The following WFDC8 variants were observed in gnomAD, a reference collection of about 807,000 sequenced individuals.
The protein encoded by WFDC8 is WAP four-disulfide core domain 8.
A neutral mutation model predicts 27.0 loss-of-function variants in WFDC8; 24 were observed. The observed-to-expected ratio is 0.89, with a 90% CI of 0.64 to 1.25. WFDC8 has a LOEUF of 1.25. Ranked by LOEUF, WFDC8 falls within the 50% of genes most tolerant of loss-of-function variation. The pLI is 0.00. For synonymous variants in WFDC8, 106 were observed against 99.7 expected (o/e 1.06, Z -0.38); for missense variants, 287 against 295.9 (o/e 0.97, Z 0.22).
At chr20:45,562,540 A>C (rs1210787364) in intron 1 of WFDC8, among the ~76,000 whole-genome samples, 2 of 152,234 alleles carry the variant, frequency 1.3e-5, no homozygotes, top group Non-Finnish European at 2.9e-5. Context: ...GAACAGTTGC[A>C]GAGCTGGTTT....
At chr20:45,577,485 G>T (rs937101339) in intron 1 of WFDC8, among the ~76,000 whole-genome samples, 1 of 149,212 alleles carries the variant, frequency 6.7e-6, no homozygotes, top group Admixed American at 6.7e-5. Flanking sequence ...TGCAACCTCC[G>T]CCTTCTGGGT....
chr20:45,570,366 G>A (rs1367906177), intron 1 of WFDC8, among the ~76,000 whole-genome samples: 2 of 152,072 alleles, frequency 1.3e-5, no homozygotes, highest in African/African-American at 4.8e-5. Context: ...ATAGATGCTT[G>A]TGGGTATCAA....
chr20:45,563,419 G>C (rs1180779889), intron 1 of WFDC8, among the ~76,000 whole-genome samples: 8 of 152,176 alleles, frequency 5.3e-5, no homozygotes, highest in African/African-American at 1.9e-4. Flanking sequence ...AGTTAGACCT[G>C]AGTTCACATC....
chr20:45,573,785 C>T (rs1463200590), intron 1 of WFDC8, among the ~76,000 whole-genome samples: 2 of 152,118 alleles, frequency 1.3e-5, no homozygotes, highest in East Asian at 1.9e-4. Flanking sequence ...AGACAGTCTC[C>T]ATTGTGTGTT....
intron 1 of WFDC8, among the ~76,000 whole-genome samples, chr20:45,570,202 G>T (rs941217306): frequency 3.3e-5 from 5 of 152,010 alleles, no homozygotes; most frequent in African/African-American, 1.2e-4. Context: ...ATTAAAAAAA[G>T]AAAATGACAT....
intron 4 of WFDC8, 152 bp from the exon 5 acceptor site, chr20:45,553,428 TG>T: frequency 5.8e-6 from 6 of 1,033,932 alleles, no homozygotes; most frequent in Non-Finnish European, 6.8e-6. Flanking sequence ...AAGAATGAAA[TG>T]TCTCATCATA....
rs143503785 is a variant in WFDC8 at position 45,551,813 on chromosome 20, CAAG to C, written c.*210_*212del. On this transcript the variant is annotated 3_prime_UTR_variant, in exon 6 of 6. Coordinates refer to ENST00000289953, the MANE Select transcript of WFDC8 (RefSeq NM_130896.3). ...ATTATTTTGGAGGTTCTACACAATA[CAAG>C]AAGACAAGAAAATAAAGTCATGAAG... The C allele has an allele frequency of 4.5e-3, 2,325 of 522,352 alleles. 83 individuals are homozygous for C. In the East Asian group the frequency reaches 0.067, roughly 15 times the overall value. The allele number at this position is 522,352 out of a possible 1,614,324, so 32.4% of individuals were successfully genotyped here.
At chr20:45,575,410 C>G (rs114122066) in intron 1 of WFDC8, among the ~76,000 whole-genome samples, 45 of 143,366 alleles carry the variant, frequency 3.1e-4, no homozygotes, top group South Asian at 4.4e-4. Flanking sequence ...TTAAAACAAT[C>G]CCATTTACAA....
In WFDC8 at chr20:45,558,886, A is replaced by G. The variant is rs1360634175; in HGVS notation, c.243T>C (p.Phe81=). ...GATCCATGCACTTCTTCTGACAGGC[A>G]AAAAAGCAGCACTTCTGGTATTCCT... is the stretch of plus-strand genomic sequence containing the variant. ...DCKEYQKCCF[F]ACQKKCMDPF... is the part of the protein sequence containing the mutation. The change falls in exon 3 of 6, where the codon TTT becomes TTC. Residue 81 remains phenylalanine (F), a synonymous_variant. Transcript: ENST00000289953. 23 of 1,614,072 alleles carry G rather than the reference A, an allele frequency of 1.4e-5. No homozygotes were observed. Among genetic ancestry groups the G allele is most frequent in the Non-Finnish European group, 1.9e-5 (23 of 1,180,028 alleles).
At chr20:45,556,389 G>A (rs112780672) in intron 3 of WFDC8, among the ~76,000 whole-genome samples, 116 of 151,970 alleles carry the variant, frequency 7.6e-4, no homozygotes, top group African/African-American at 2.6e-3. Flanking sequence ...AAGCAAATTC[G>A]AGTGATTTTC....
chr20:45,568,288 T>C (rs1393510979), intron 1 of WFDC8: 4 of 236,318 alleles, frequency 1.7e-5, no homozygotes, highest in East Asian at 9.1e-5. Context: ...AAGCCTGTCA[T>C]AGAGGCCTTG....
chr20:45,565,201 C>T (rs1365275836), intron 1 of WFDC8, among the ~76,000 whole-genome samples: 1 of 152,102 alleles, frequency 6.6e-6, no homozygotes, highest in Non-Finnish European at 1.5e-5. Context: ...TGATTGAAAT[C>T]CACGCTTCAC....
In WFDC8 at chr20:45,571,400, T is replaced by G. The variant is rs147837469; in HGVS notation, c.26+7822A>C. Among the ~76,000 whole-genome samples the G allele has an allele frequency of 2.0e-3, 300 of 152,370 alleles. 2 individuals carry two copies. Among genetic ancestry groups the G allele is most frequent in the African/African-American group, 7.0e-3 (292 of 41,588 alleles). On this transcript the variant is annotated intron_variant, in intron 1 of 5. Transcript: ENST00000289953. ...TTTATATTTATGTGCTACAATTTAATGTTTTGATGTATGTACACATTGCGG... is the reference window on the plus strand; with the variant it reads ...TTTATATTTATGTGCTACAATTTAAGGTTTTGATGTATGTACACATTGCGG...
chr20:45,562,719 G>A (rs1349069093), intron 1 of WFDC8, among the ~76,000 whole-genome samples: 1 of 152,192 alleles, frequency 6.6e-6, no homozygotes, highest in African/African-American at 2.4e-5. Flanking sequence ...GGTTAACAGA[G>A]AAATTCCTTT....
chr20:45,565,628 C>T (rs1980650535), intron 1 of WFDC8, among the ~76,000 whole-genome samples: 1 of 152,156 alleles, frequency 6.6e-6, no homozygotes. Flanking sequence ...CCTGAGGATG[C>T]TTTCCATGGA....
At chr20:45,571,357 A>G (rs987807277) in intron 1 of WFDC8, among the ~76,000 whole-genome samples, 4 of 152,078 alleles carry the variant, frequency 2.6e-5, no homozygotes, top group Admixed American at 2.0e-4. Context: ...ATTTATTTTA[A>G]TTGACTAATA....
chr20:45,573,655 G>A (rs959566609), intron 1 of WFDC8, among the ~76,000 whole-genome samples: 3 of 152,152 alleles, frequency 2.0e-5, no homozygotes, highest in East Asian at 1.9e-4. Flanking sequence ...ATGGCTGAGT[G>A]GTGTATATAT....
intron 1 of WFDC8, among the ~76,000 whole-genome samples, chr20:45,576,158 T>C (rs1568643215): frequency 6.6e-6 from 1 of 151,472 alleles, no homozygotes; most frequent in South Asian, 2.1e-4. Flanking sequence ...GCTGCTAAAA[T>C]ATTTTAAATC....
At chr20:45,564,196 AACTAGGACAGACCTGGAAT>A (rs57710901) in intron 1 of WFDC8, among the ~76,000 whole-genome samples, 6,457 of 152,056 alleles carry the variant, frequency 0.042, 302 homozygotes, top group Admixed American at 0.11. Context: ...GGCTCTGAAG[AACTAGGACAGACCTGGAAT>A]ACTAGGACAG....
Sources: gnomAD v4.1 joint callset for allele counts (sites outside exome capture counted in the v4.1 genomes callset) on GRCh38, gnomAD v4.1.1 for gene constraint, MANE v1.5 for transcripts, NCBI Gene and HGNC (gene_info 2026-07-23, HGNC 2026-07-21) for gene names.